The following LRRIQ3 variants were observed in gnomAD, a reference collection of about 807,000 sequenced individuals.
LRRIQ3 encodes the protein leucine rich repeats and IQ motif containing 3, also known as leucine-rich repeat and IQ domain-containing protein 3.
In LRRIQ3, 75 loss-of-function variants were observed where a neutral mutation model predicts 59.3. The ratio of observed to expected loss-of-function variants is 1.26; its 90% CI spans 1.05 to 1.53. LRRIQ3 has a LOEUF of 1.53. Among genes scored for constraint, LRRIQ3 ranks in the 40% most tolerant of loss-of-function variants. The pLI is 0.00. For synonymous variants in LRRIQ3, 250 were observed against 231.3 expected (o/e 1.08, Z -0.73); for missense variants, 831 against 710.0 (o/e 1.17, Z -1.94).
intron 5 of LRRIQ3, among the ~76,000 whole-genome samples, chr1:74,099,747 A>T (rs7532932): frequency 0.82 from 124,242 of 152,092 alleles, 52,673 homozygotes; most frequent in East Asian, 0.97. Context: ...CAAGGCTGGA[A>T]CAACATATGC....
intron 4 of LRRIQ3, among the ~76,000 whole-genome samples, chr1:74,147,645 G>A (rs1353307718): frequency 6.6e-6 from 1 of 152,144 alleles, no homozygotes. Flanking sequence ...TTTGGATACA[G>A]TTTTAACTGT....
At chr1:74,091,597 A>C (rs1053894429) in intron 5 of LRRIQ3, among the ~76,000 whole-genome samples, 5 of 152,062 alleles carry the variant, frequency 3.3e-5, no homozygotes, top group African/African-American at 9.7e-5. Flanking sequence ...AGAAACCAAA[A>C]ACAAGTGAAA....
chr1:74,123,837 C>T (rs1481827051), intron 4 of LRRIQ3, among the ~76,000 whole-genome samples: 2 of 151,972 alleles, frequency 1.3e-5, no homozygotes, highest in African/African-American at 2.4e-5. Flanking sequence ...AGTGGGAATG[C>T]TGGATCATAT....
chr1:74,068,830 A>G (rs557026605), intron 6 of LRRIQ3, among the ~76,000 whole-genome samples: 9 of 134,988 alleles, frequency 6.7e-5, no homozygotes, highest in Non-Finnish European at 1.4e-4. Flanking sequence ...GGAGAATGGT[A>G]AAAAAAAAAA....
At chr1:74,097,028 T>C (rs936713511) in intron 5 of LRRIQ3, among the ~76,000 whole-genome samples, 4 of 152,110 alleles carry the variant, frequency 2.6e-5, no homozygotes, top group Non-Finnish European at 5.9e-5. Flanking sequence ...CTGTCTGTTC[T>C]CAGATCTCAA....
chr1:74,053,890 C>T (rs1236073728), intron 6 of LRRIQ3, among the ~76,000 whole-genome samples: 1 of 152,112 alleles, frequency 6.6e-6, no homozygotes, highest in African/African-American at 2.4e-5. Flanking sequence ...GGTTATGGAA[C>T]AACAGGACCT....
At chr1:74,186,176 A>ATAT (rs919138444) in intron 1 of LRRIQ3, among the ~76,000 whole-genome samples, 9 of 151,646 alleles carry the variant, frequency 5.9e-5, no homozygotes, top group Non-Finnish European at 1.2e-4. Flanking sequence ...CTTTATGAAG[A>ATAT]TATTATCTTC....
intron 4 of LRRIQ3, among the ~76,000 whole-genome samples, chr1:74,131,097 T>A (rs944291136): frequency 1.3e-5 from 2 of 151,836 alleles, no homozygotes; most frequent in Non-Finnish European, 2.9e-5. Context: ...ACTATAAACA[T>A]CTCTACTCAA....
intron 7 of LRRIQ3, among the ~76,000 whole-genome samples, chr1:74,033,155 G>T (rs1653768950): frequency 6.6e-6 from 1 of 151,920 alleles, no homozygotes; most frequent in Non-Finnish European, 1.5e-5. Flanking sequence ...GCTCAAGTTG[G>T]AGACCATAAA....
chr1:74,161,713 GA>G (rs1226830922), intron 3 of LRRIQ3, among the ~76,000 whole-genome samples: 2 of 151,874 alleles, frequency 1.3e-5, no homozygotes, highest in Non-Finnish European at 2.9e-5. Context: ...ACTGAGTCAT[GA>G]AAAATTCCTT....
chr1:74,154,551 G>A (rs1648205308), intron 4 of LRRIQ3, among the ~76,000 whole-genome samples: 1 of 152,010 alleles, frequency 6.6e-6, no homozygotes, highest in African/African-American at 2.4e-5. Flanking sequence ...TTTAAAGATT[G>A]TTCCCATGAA....
rs1650044219 is a variant in LRRIQ3 at position 74,182,537 on chromosome 1, C to T, written c.573+1G>A. 1 of 1,515,974 alleles carries T rather than the reference C, an allele frequency of 6.6e-7. No homozygotes were observed. Among genetic ancestry groups the T allele is most frequent in the African/African-American group, 1.4e-5 (1 of 71,788 alleles). 93.9% of individuals were successfully genotyped at this position (1,515,974 alleles called of 1,614,324 possible). ...AATGAAACCCTAAAGAAGCCAATTA[C>T]CTTTCTCAAAGCTGGGCAGAAATTA... is the stretch of plus-strand genomic sequence containing the variant. On this transcript the variant is annotated splice_donor_variant, in intron 3 of 7. Transcript: ENST00000354431. LOFTEE classifies it high-confidence loss of function.
rs937461265 is a variant in LRRIQ3, at chr1:74,198,050, A to G, written c.-55T>C. ...GTTGGAGACAAGTGGCCCAGCCCCA[A>G]CACAGTCAGACAAATCGCTGGGCGG... On this transcript the variant is annotated 5_prime_UTR_variant, in exon 1 of 8. Coordinates refer to ENST00000354431, the MANE Select transcript of LRRIQ3 (RefSeq NM_001105659.2). 1.6e-5 allele frequency: 14 copies of G among 893,396 alleles called. No homozygotes were observed. The highest frequency in any genetic ancestry group is 1.2e-4 in the African/African-American group (7 of 59,598). 55.3% of individuals were successfully genotyped at this position (893,396 alleles called of 1,614,324 possible).
At chr1:74,034,679 C>T (rs1264726906) in intron 7 of LRRIQ3, among the ~76,000 whole-genome samples, 1 of 150,546 alleles carries the variant, frequency 6.6e-6, no homozygotes, top group South Asian at 2.1e-4. Flanking sequence ...AAAGTGTACA[C>T]TAAAGAAAAT....
intron 7 of LRRIQ3, among the ~76,000 whole-genome samples, chr1:74,035,260 A>G (rs1470796142): frequency 6.6e-6 from 1 of 151,974 alleles, no homozygotes; most frequent in Non-Finnish European, 1.5e-5. Flanking sequence ...TTTGATTGCC[A>G]ATATCAATAT....
intron 6 of LRRIQ3, among the ~76,000 whole-genome samples, chr1:74,063,257 T>C (rs1350061172): frequency 6.6e-6 from 1 of 152,072 alleles, no homozygotes; most frequent in Non-Finnish European, 1.5e-5. Flanking sequence ...ATAAAGAAAA[T>C]GTTTTGTATC....
At chr1:74,065,086 C>A (rs1654830273) in intron 6 of LRRIQ3, among the ~76,000 whole-genome samples, 1 of 152,104 alleles carries the variant, frequency 6.6e-6, no homozygotes, top group East Asian at 1.9e-4. Context: ...TATATTTCTC[C>A]AAGACTTTGT....
chr1:74,141,454 G>C (rs1270606217), intron 4 of LRRIQ3, among the ~76,000 whole-genome samples: 1 of 151,654 alleles, frequency 6.6e-6, no homozygotes, highest in African/African-American at 2.4e-5. Context: ...AAATCAGTTT[G>C]CCTGTATTGC....
chr1:74,136,430 C>G (rs994810570), intron 4 of LRRIQ3, among the ~76,000 whole-genome samples: 1 of 151,956 alleles, frequency 6.6e-6, no homozygotes. Context: ...CAGAAAGTTT[C>G]TTAGCACAGC....
Sources: allele counts gnomAD v4.1 joint callset (sites outside exome capture counted in the v4.1 genomes callset), GRCh38; gene constraint gnomAD v4.1.1; transcripts MANE v1.5; gene names NCBI Gene and HGNC (gene_info 2026-07-23, HGNC 2026-07-21).